Variants in DENND1B observed in about 807,000 individuals in gnomAD.
DENND1B encodes DENN domain containing 1B, also known as DENN domain-containing protein 1B.
Under a neutral mutation model 90.1 loss-of-function variants are expected in DENND1B, and 59 were observed. The ratio of observed to expected loss-of-function variants is 0.65; its 90% confidence interval spans 0.53 to 0.81. DENND1B has a LOEUF of 0.81. Ranked by LOEUF, DENND1B falls within the 40% of genes least tolerant of loss-of-function variation. The pLI is 0.00. For synonymous variants in DENND1B, 337 were observed against 324.6 expected, an observed-to-expected ratio of 1.04 and a Z score of -0.41; for missense variants, 862 against 912.6, an observed-to-expected ratio of 0.94 and a Z score of 0.71.
At chr1:197,666,471 C>T (rs1654943446) in intron 5 of DENND1B, among the ~76,000 whole-genome samples, 1 of 152,142 alleles carries the variant, frequency 6.6e-6, no homozygotes, top group Non-Finnish European at 1.5e-5. Context: ...TCTGGATCCT[C>T]CAAGTTTTCT....
rs918256717 is a variant in DENND1B at position 197,607,118 on chromosome 1, T to G, written c.876A>C (p.Thr292=). 1 of 1,606,028 alleles carries G rather than the reference T, an allele frequency of 6.2e-7. No individual in the cohort carries two copies. The highest frequency in any genetic ancestry group is 1.3e-5 in the African/African-American group (1 of 74,368). ...TCAAGTCACTAAATGGTGATTCTAATGTGTTTGTATCAACATTTAACATAA... is the reference window on the plus strand; with the variant it reads ...TCAAGTCACTAAATGGTGATTCTAAGGTGTTTGTATCAACATTTAACATAA... ...DVVMLNVDTN[T]LESPFSDLNN... is the part of the protein sequence containing the mutation. Residue 292 remains threonine (T), a synonymous_variant, in exon 13 of 23, where the codon ACA becomes ACC. Transcript: ENST00000620048.
At chr1:197,671,373 T>C (rs191608420) in intron 5 of DENND1B, among the ~76,000 whole-genome samples, 1 of 152,228 alleles carries the variant, frequency 6.6e-6, no homozygotes, top group East Asian at 1.9e-4. Flanking sequence ...AACTACCTAC[T>C]GAATCAAGGC....
chr1:197,566,182 C>G (rs1672644424), intron 15 of DENND1B, among the ~76,000 whole-genome samples: 1 of 152,118 alleles, frequency 6.6e-6, no homozygotes, highest in Admixed American at 6.6e-5. Flanking sequence ...GATTGCCATT[C>G]TAACTGGTGT....
chr1:197,527,273 CTT>C (rs1409417695), intron 20 of DENND1B, among the ~76,000 whole-genome samples: 1 of 148,856 alleles, frequency 6.7e-6, no homozygotes, highest in Non-Finnish European at 1.5e-5. Context: ...ATTCACTTAA[CTT>C]ATTTCAAAAG....
chr1:197,732,624 T>G (rs1662252468), intron 2 of DENND1B, among the ~76,000 whole-genome samples: 1 of 152,198 alleles, frequency 6.6e-6, no homozygotes. Context: ...TGCATAGTTA[T>G]TCTCAGGAAT....
intron 20 of DENND1B, among the ~76,000 whole-genome samples, chr1:197,513,171 TAAAA>T (rs4026515): frequency 4.1e-5 from 6 of 147,040 alleles, no homozygotes; most frequent in African/African-American, 1.2e-4. Flanking sequence ...CTCAAACCAA[TAAAA>T]AAAAAAAAAA....
intron 3 of DENND1B, among the ~76,000 whole-genome samples, chr1:197,707,055 A>G (rs1437967648): frequency 1.3e-5 from 2 of 152,224 alleles, no homozygotes; most frequent in East Asian, 3.8e-4. Context: ...TGGTATACAT[A>G]CAAAATGGAA....
chr1:197,769,842 T>C (rs1656182540), intron 2 of DENND1B, among the ~76,000 whole-genome samples: 1 of 152,158 alleles, frequency 6.6e-6, no homozygotes, highest in Non-Finnish European at 1.5e-5. Flanking sequence ...CAGTTAAATA[T>C]GAGGATTCCA....
At chr1:197,565,298 A>C (rs1263345002) in intron 15 of DENND1B, among the ~76,000 whole-genome samples, 1 of 152,058 alleles carries the variant, frequency 6.6e-6, no homozygotes, top group Non-Finnish European at 1.5e-5. Context: ...TTTATTCAAC[A>C]TCTTATTATG....
At chr1:197,612,500 T>C (rs984132662) in intron 11 of DENND1B, among the ~76,000 whole-genome samples, 3 of 150,632 alleles carry the variant, frequency 2.0e-5, no homozygotes, top group Non-Finnish European at 3.0e-5. Flanking sequence ...TCAAGACTTA[T>C]TGTTTGTCAG....
chr1:197,752,007 GAGA>G (rs1240861243), intron 2 of DENND1B, among the ~76,000 whole-genome samples: 24 of 150,230 alleles, frequency 1.6e-4, no homozygotes, highest in African/African-American at 5.2e-4. Context: ...GTAGAAGGAG[GAGA>G]AGAAGGAAGA....
intron 10 of DENND1B, among the ~76,000 whole-genome samples, chr1:197,627,288 T>C (rs372360052): frequency 6.6e-6 from 1 of 152,122 alleles, no homozygotes; most frequent in East Asian, 1.9e-4. Context: ...AATAGAATAC[T>C]GGAAAACCGA....
At chr1:197,521,794 A>C (rs1558197195) in intron 20 of DENND1B, among the ~76,000 whole-genome samples, 2 of 152,092 alleles carry the variant, frequency 1.3e-5, no homozygotes, top group Non-Finnish European at 2.9e-5. Flanking sequence ...GACTTGCTTC[A>C]ATGTGTTAGC....
chr1:197,712,054 TA>T (rs1660050347), intron 3 of DENND1B, among the ~76,000 whole-genome samples: 1 of 17,332 alleles, frequency 5.8e-5, no homozygotes, highest in Non-Finnish European at 8.7e-5. Flanking sequence ...CAAGGAGAAC[TA>T]CAAACCACTG....
intron 16 of DENND1B, among the ~76,000 whole-genome samples, chr1:197,549,339 C>T (rs892285202): frequency 2.6e-5 from 4 of 152,148 alleles, no homozygotes; most frequent in South Asian, 4.2e-4. Context: ...TTACCTACCA[C>T]GTCTTCAAAT....
intron 12 of DENND1B, among the ~76,000 whole-genome samples, chr1:197,610,872 G>GT (rs201626950): frequency 2.4e-4 from 35 of 146,608 alleles, no homozygotes; most frequent in African/African-American, 3.4e-4. Context: ...ATTTAAATAT[G>GT]TTTTTTTTGT....
intron 14 of DENND1B, among the ~76,000 whole-genome samples, chr1:197,588,923 T>C (rs1016902226): frequency 9.9e-5 from 15 of 152,074 alleles, no homozygotes; most frequent in Admixed American, 2.0e-4. Context: ...TTGTACATAT[T>C]ATTTTATTAC....
At chr1:197,516,417 A>G (rs1414574556) in intron 20 of DENND1B, among the ~76,000 whole-genome samples, 3 of 151,834 alleles carry the variant, frequency 2.0e-5, no homozygotes, top group African/African-American at 4.8e-5. Flanking sequence ...TGTTAAGGTC[A>G]CAAAAAAAGA....
chr1:197,726,466 T>G (rs893709194), intron 2 of DENND1B, among the ~76,000 whole-genome samples: 1 of 152,118 alleles, frequency 6.6e-6, no homozygotes, highest in Non-Finnish European at 1.5e-5. Context: ...AATAATGAAA[T>G]AGGATATACT....
Sources: allele counts gnomAD v4.1 joint callset (sites outside exome capture counted in the v4.1 genomes callset), GRCh38; gene constraint gnomAD v4.1.1; transcripts MANE v1.5; gene names NCBI Gene and HGNC (gene_info 2026-07-23, HGNC 2026-07-21).